Variants in PDE7B observed in about 807,000 individuals in gnomAD.
PDE7B encodes 3',5'-cyclic-AMP phosphodiesterase 7B.
PDE7B carries 29 observed loss-of-function variants against 56.2 expected under a neutral mutation model. The ratio of observed to expected loss-of-function variants is 0.52; its 90% CI spans 0.38 to 0.70. The LOEUF is 0.70. PDE7B is among the 30% of genes least tolerant of loss of function. The pLI is 0.00. For missense variants in PDE7B, 490 were observed against 565.0 expected, an observed-to-expected ratio of 0.87 and a Z score of 1.35; for synonymous variants, 197 against 196.9, an observed-to-expected ratio of 1.00 and a Z score of 0.00.
chr6:135,930,443 G>T (rs958507123), intron 1 of PDE7B, among the ~76,000 whole-genome samples: 2 of 152,136 alleles, frequency 1.3e-5, no homozygotes, highest in Non-Finnish European at 2.9e-5. Flanking sequence ...GATCACTCTG[G>T]CTGCTATGTG....
intron 1 of PDE7B, among the ~76,000 whole-genome samples, chr6:135,915,591 C>T (rs1335528224): frequency 6.6e-6 from 1 of 152,082 alleles, no homozygotes; most frequent in Non-Finnish European, 1.5e-5. Flanking sequence ...ACAATGTTCT[C>T]ATGTGTCAAA....
intron 2 of PDE7B, among the ~76,000 whole-genome samples, chr6:136,069,877 TTCTG>T (rs1194736875): frequency 6.6e-6 from 1 of 152,130 alleles, no homozygotes; most frequent in Non-Finnish European, 1.5e-5. Context: ...AAATCTCTTT[TTCTG>T]TCTATTGATC....
At chr6:135,967,662 T>C (rs944271435) in intron 2 of PDE7B, among the ~76,000 whole-genome samples, 1 of 152,206 alleles carries the variant, frequency 6.6e-6, no homozygotes, top group Non-Finnish European at 1.5e-5. Flanking sequence ...AGGGTCTATG[T>C]CCATAACTGT....
intron 2 of PDE7B, among the ~76,000 whole-genome samples, chr6:136,095,277 TA>T (rs1777454901): frequency 6.6e-6 from 1 of 152,214 alleles, no homozygotes; most frequent in Non-Finnish European, 1.5e-5. Flanking sequence ...ACAGTATCAA[TA>T]ATATGATTTA....
intron 1 of PDE7B, among the ~76,000 whole-genome samples, chr6:135,869,118 TATG>T (rs1775322831): frequency 6.6e-6 from 1 of 152,204 alleles, no homozygotes; most frequent in Non-Finnish European, 1.5e-5. Flanking sequence ...ATGACTGGTA[TATG>T]ATGTTAGTCT....
At chr6:136,054,077 A>G (rs1292634464) in intron 2 of PDE7B, among the ~76,000 whole-genome samples, 1 of 152,084 alleles carries the variant, frequency 6.6e-6, no homozygotes, top group Non-Finnish European at 1.5e-5. Flanking sequence ...CCATTTGTCA[A>G]TTTTGGCTTT....
At chr6:135,949,875 T>C (rs562565053) in intron 2 of PDE7B, among the ~76,000 whole-genome samples, 13 of 152,288 alleles carry the variant, frequency 8.5e-5, no homozygotes, top group East Asian at 1.9e-4. Flanking sequence ...GATAATATTA[T>C]GCTTAGTGAG....
At chr6:136,101,797 G>A (rs937911664) in intron 2 of PDE7B, among the ~76,000 whole-genome samples, 1 of 152,108 alleles carries the variant, frequency 6.6e-6, no homozygotes, top group Non-Finnish European at 1.5e-5. Context: ...CACCACTAGG[G>A]GTTCATGGGT....
At chr6:135,900,603 C>G (rs566852982) in intron 1 of PDE7B, among the ~76,000 whole-genome samples, 4 of 151,968 alleles carry the variant, frequency 2.6e-5, no homozygotes, top group African/African-American at 9.7e-5. Context: ...TCACGTCTTT[C>G]TGCTCCTGTG....
intron 2 of PDE7B, chr6:136,037,870 GC>G: frequency 1.0e-6 from 1 of 985,134 alleles, no homozygotes; most frequent in Non-Finnish European, 1.2e-6. Flanking sequence ...AAAAGCAAAT[GC>G]TAGAACCTCG....
chr6:136,132,035 TG>T (rs1356859893), intron 3 of PDE7B, among the ~76,000 whole-genome samples: 8 of 152,210 alleles, frequency 5.3e-5, no homozygotes, highest in African/African-American at 1.9e-4. Flanking sequence ...ATACTTTTTA[TG>T]TGGTAAATAA....
intron 8 of PDE7B, among the ~76,000 whole-genome samples, chr6:136,158,650 C>T (rs1347649155): frequency 6.6e-6 from 1 of 152,186 alleles, no homozygotes; most frequent in Non-Finnish European, 1.5e-5. Context: ...GGTCAGAGGG[C>T]TCCCTCCCAT....
intron 1 of PDE7B, among the ~76,000 whole-genome samples, chr6:135,907,616 T>G (rs1420203923): frequency 6.6e-6 from 1 of 152,144 alleles, no homozygotes; most frequent in Non-Finnish European, 1.5e-5. Flanking sequence ...AAAAATTGAA[T>G]GTACAACATT....
chr6:136,151,315 C>T (rs1347757181), intron 6 of PDE7B, 60 bp downstream of exon 6: 16 of 832,364 alleles, frequency 1.9e-5, no homozygotes, highest in Admixed American at 1.7e-4. Context: ...ATGCATAATA[C>T]TCTTTAATAT....
intron 1 of PDE7B, among the ~76,000 whole-genome samples, chr6:135,871,935 T>TA (rs1284963294): frequency 1.3e-5 from 2 of 152,248 alleles, no homozygotes; most frequent in Non-Finnish European, 2.9e-5. Flanking sequence ...CTTAGGAAAC[T>TA]ATGAATGGCA....
chr6:135,879,352 A>G (rs1247754693), intron 1 of PDE7B, among the ~76,000 whole-genome samples: 5 of 152,140 alleles, frequency 3.3e-5, no homozygotes, highest in African/African-American at 1.2e-4. Flanking sequence ...ATCTTTTTTA[A>G]AAGAAAAACT....
chr6:136,038,214 A>ACAGCAG lies in PDE7B; in HGVS notation c.83-70508_83-70503dup, dbSNP rs781300434. 2.2e-3 allele frequency: 2,809 copies of ACAGCAG among 1,299,162 alleles called. 37 individuals carry two copies. The South Asian group carries it at 0.026, about 12-fold the overall frequency. 80.5% of individuals were successfully genotyped at this position (1,299,162 alleles called of 1,614,324 possible). A position where few individuals can be genotyped will look rare whatever the true frequency, so the allele number is the denominator to read the frequency against. ...AGCAGCAGCAGCAGCAGAAGCAGAA[A>ACAGCAG]CAGCAGCAGCAGCAACAGCAGCAGC... is the stretch of plus-strand genomic sequence containing the variant. On this transcript the variant is annotated intron_variant, in intron 2 of 12. Transcript: ENST00000308191.
intron 2 of PDE7B, among the ~76,000 whole-genome samples, chr6:135,998,339 C>A (rs749643799): frequency 6.6e-6 from 1 of 151,988 alleles, no homozygotes; most frequent in Non-Finnish European, 1.5e-5. Context: ...TGGTTCCTGT[C>A]GACTAAGTAG....
intron 1 of PDE7B, among the ~76,000 whole-genome samples, chr6:135,904,743 G>T (rs1197315076): frequency 6.6e-6 from 1 of 152,178 alleles, no homozygotes; most frequent in African/African-American, 2.4e-5. Flanking sequence ...CCTTCATGGG[G>T]ATATACAGGG....
Sources: allele counts gnomAD v4.1 joint callset (sites outside exome capture counted in the v4.1 genomes callset), GRCh38; gene constraint gnomAD v4.1.1; transcripts MANE v1.5; gene names NCBI Gene and HGNC (gene_info 2026-07-23, HGNC 2026-07-21).